L3MBTL4: variants seen among roughly 807,000 people sequenced by gnomAD.
L3MBTL4 encodes lethal(3)malignant brain tumor-like protein 4.
Under a neutral mutation model 84.5 loss-of-function variants are expected in L3MBTL4, and 70 were observed. The observed-to-expected ratio is 0.83, with a 90% CI of 0.68 to 1.01. The LOEUF (loss-of-function observed/expected upper bound fraction) is 1.01. Among genes scored for constraint, L3MBTL4 ranks in the 50% least tolerant of loss-of-function variants. The probability of loss-of-function intolerance (pLI) is 0.00; values close to 1 mark genes in which losing one functional copy is unlikely to be tolerated. For missense variants in L3MBTL4, 715 were observed against 754.8 expected (o/e 0.95, Z 0.62); for synonymous variants, 274 against 259.8 (o/e 1.05, Z -0.52).
At position 6,371,930 on chromosome 18, in the gene L3MBTL4, A is replaced by G. The variant is rs140215027; in HGVS notation, c.-91+42871T>C. On this transcript the variant is annotated intron_variant, in intron 1 of 18. Transcript: ENST00000317931. ...CTCTCTTCAATGTCTACCTTGACGC[A>G]ATGAACACAGGCCTGAAGCCATAAA... 8.8e-3 allele frequency among the ~76,000 whole-genome samples: 1,339 copies of G among 152,286 alleles called. 25 individuals are homozygous for G. The highest frequency in any genetic ancestry group is 0.03 in the African/African-American group (1,255 of 41,552).
intron 1 of L3MBTL4, among the ~76,000 whole-genome samples, chr18:6,345,834 A>G (rs1332493027): frequency 6.6e-6 from 1 of 152,078 alleles, no homozygotes; most frequent in Non-Finnish European, 1.5e-5. Context: ...CCTAAAATTA[A>G]TATGGAACCA....
At chr18:6,279,332 GA>G (rs2049226055) in intron 4 of L3MBTL4, among the ~76,000 whole-genome samples, 1 of 151,272 alleles carries the variant, frequency 6.6e-6, no homozygotes, top group Non-Finnish European at 1.5e-5. Context: ...AGAGGAGGGG[GA>G]AAGAGAGGGG....
intron 17 of L3MBTL4, 110 bp from the exon 18 acceptor site, chr18:5,960,266 G>A: frequency 2.0e-6 from 1 of 493,744 alleles, no homozygotes; most frequent in Non-Finnish European, 3.6e-6. Context: ...CAAACTCTTG[G>A]GAATTAAATA....
intron 1 of L3MBTL4, among the ~76,000 whole-genome samples, chr18:6,384,504 C>G (rs2054732412): frequency 6.6e-6 from 1 of 152,198 alleles, no homozygotes; most frequent in Non-Finnish European, 1.5e-5. Context: ...GCATGTTTTA[C>G]TTTTTGAAAA....
chr18:5,956,515 G>C, intron 18 of L3MBTL4, 128 bp from the exon 19 acceptor site: 1 of 746,438 alleles, frequency 1.3e-6, no homozygotes, highest in Non-Finnish European at 2.2e-6. Context: ...TCACCAGTGA[G>C]AGAGAATGAC....
chr18:6,139,650 C>T (rs2060135907), intron 13 of L3MBTL4, among the ~76,000 whole-genome samples: 1 of 152,116 alleles, frequency 6.6e-6, no homozygotes, highest in South Asian at 2.1e-4. Context: ...CTCAGACTTC[C>T]ATTTCCTGTT....
intron 12 of L3MBTL4, among the ~76,000 whole-genome samples, chr18:6,205,634 C>G (rs140914821): frequency 1.8e-3 from 278 of 152,306 alleles, no homozygotes; most frequent in African/African-American, 6.5e-3. Context: ...AAAGACAACT[C>G]TCCTTCCCCT....
intron 1 of L3MBTL4, among the ~76,000 whole-genome samples, chr18:6,360,833 G>GAAATTT (rs79617822): frequency 0.081 from 12,267 of 151,076 alleles, 683 homozygotes; most frequent in Non-Finnish European, 0.13. Flanking sequence ...CTACAAAAAA[G>GAAATTT]AAATTTAAAT....
chr18:6,163,308 GGT>G (rs1437549140), intron 13 of L3MBTL4, among the ~76,000 whole-genome samples: 4 of 78,286 alleles, frequency 5.1e-5, no homozygotes, highest in African/African-American at 1.6e-4. Flanking sequence ...TGTGTGTGTG[GGT>G]GGGTGTGTAT....
intron 16 of L3MBTL4, chr18:6,031,834 C>G: frequency 5.1e-6 from 5 of 982,574 alleles, no homozygotes; most frequent in Non-Finnish European, 6.0e-6. Flanking sequence ...TTTAATTTCA[C>G]AGATTTAGCA....
At chr18:5,968,059 A>G (rs2052441148) in intron 17 of L3MBTL4, among the ~76,000 whole-genome samples, 1 of 152,190 alleles carries the variant, frequency 6.6e-6, no homozygotes, top group South Asian at 2.1e-4. Flanking sequence ...GGCAGAGGAG[A>G]CACACTCAGT....
At chr18:6,202,897 C>A (rs1324669260) in intron 12 of L3MBTL4, among the ~76,000 whole-genome samples, 1 of 152,108 alleles carries the variant, frequency 6.6e-6, no homozygotes, top group South Asian at 2.1e-4. Context: ...GCAGTAGATA[C>A]AATTTTTAAA....
chr18:6,157,091 A>G (rs1321695171), intron 13 of L3MBTL4, among the ~76,000 whole-genome samples: 1 of 152,214 alleles, frequency 6.6e-6, no homozygotes. Flanking sequence ...TTTTTTCTCG[A>G]TAAGTCTATC....
At chr18:6,384,290 T>C (rs1009355807) in intron 1 of L3MBTL4, among the ~76,000 whole-genome samples, 5 of 152,126 alleles carry the variant, frequency 3.3e-5, no homozygotes, top group African/African-American at 1.2e-4. Context: ...TATACATATA[T>C]ATACACACAC....
chr18:5,963,795 A>C (rs962207463), intron 17 of L3MBTL4, among the ~76,000 whole-genome samples: 1 of 152,244 alleles, frequency 6.6e-6, no homozygotes, highest in Non-Finnish European at 1.5e-5. Context: ...GAATAGAGTA[A>C]TATCAAGAAG....
intron 1 of L3MBTL4, among the ~76,000 whole-genome samples, chr18:6,408,178 G>A (rs957644168): frequency 3.9e-5 from 6 of 152,212 alleles, no homozygotes; most frequent in Non-Finnish European, 8.8e-5. Flanking sequence ...CTGGCACCAG[G>A]ATGTGCTCAC....
intron 10 of L3MBTL4, among the ~76,000 whole-genome samples, chr18:6,221,985 C>T (rs1178245721): frequency 6.6e-6 from 1 of 152,184 alleles, no homozygotes; most frequent in Non-Finnish European, 1.5e-5. Context: ...GAAATAGTGG[C>T]ATGCTGTTCA....
At chr18:5,986,596 T>C (rs2053474348) in intron 16 of L3MBTL4, among the ~76,000 whole-genome samples, 3 of 152,248 alleles carry the variant, frequency 2.0e-5, no homozygotes, top group Admixed American at 2.0e-4. Context: ...AAGCAAAGAT[T>C]TCAAAATAGG....
Position 6,153,812 on chromosome 18 carries a change from T to G in L3MBTL4, c.1097-15516A>C, listed in dbSNP as rs141128013. The stretch of plus-strand genomic sequence containing the variant: ...TTTCACTGTTCTCTCTCCTGCCACC[T>G]TGTGAAGAAGATGCCTGCTTCCCCT... On this transcript the variant is annotated intron_variant, in intron 13 of 18. Transcript: ENST00000317931. 2.0e-3 allele frequency among the ~76,000 whole-genome samples: 311 copies of G among 152,344 alleles called. 1 individual carries two copies. Among genetic ancestry groups the G allele is most frequent in the African/African-American group, 7.2e-3 (299 of 41,580 alleles).
Sources: gnomAD v4.1 joint callset for allele counts (sites outside exome capture counted in the v4.1 genomes callset) on GRCh38, gnomAD v4.1.1 for gene constraint, MANE v1.5 for transcripts, NCBI Gene and HGNC (gene_info 2026-07-23, HGNC 2026-07-21) for gene names.